PTP4A1: variants seen among roughly 807,000 people sequenced by gnomAD.
The protein encoded by PTP4A1 is protein tyrosine phosphatase 4A1, also known as protein tyrosine phosphatase type IVA 1.
In PTP4A1, 9 loss-of-function variants were observed where a neutral mutation model predicts 20.5. The observed-to-expected ratio is 0.44, with a 90% CI of 0.26 to 0.77. The LOEUF (loss-of-function observed/expected upper bound fraction) is 0.77. Among genes scored for constraint, PTP4A1 ranks in the 30% least tolerant of loss-of-function variants. PTP4A1 has a pLI of 0.19. For missense variants in PTP4A1, 137 were observed against 218.8 expected (o/e 0.63, Z 2.36); for synonymous variants, 78 against 67.4 (o/e 1.16, Z -0.77).
At chr6:63,517,015 G>A (rs555607643), upstream of PTP4A1, among the ~76,000 whole-genome samples, 1 of 152,136 alleles carries the variant, frequency 6.6e-6, no homozygotes, top group South Asian at 2.1e-4. Flanking sequence ...ATTGTTTTGG[G>A]ATATTTATTT....
At chr6:63,559,002 C>T (rs1204181280) in intron 3 of PTP4A1, among the ~76,000 whole-genome samples, 1 of 152,150 alleles carries the variant, frequency 6.6e-6, no homozygotes, top group Admixed American at 6.5e-5. Context: ...CAGGACATAT[C>T]AAAGGCCATA....
rs867666563 is a variant in PTP4A1, at chr6:63,543,378, T to C, written c.-639-6922T>C. On this transcript the variant is annotated intron_variant, in intron 2 of 3. Transcript: ENST00000639568. ...TTTCCTTCTTGGCACCTTTCAAAAGTTGCAATAGTCATATTGAAATATTTG... is the reference window on the plus strand; with the variant it reads ...TTTCCTTCTTGGCACCTTTCAAAAGCTGCAATAGTCATATTGAAATATTTG... 8.5e-5 allele frequency among the ~76,000 whole-genome samples: 13 copies of C among 152,238 alleles called. 1 individual carries two copies. Among genetic ancestry groups the C allele is most frequent in the Admixed American group, 2.0e-4 (3 of 15,282 alleles).
At chr6:63,539,763 G>A (rs2149482878) in intron 2 of PTP4A1, among the ~76,000 whole-genome samples, 1 of 147,048 alleles carries the variant, frequency 6.8e-6, no homozygotes. Context: ...GTGAGACTCT[G>A]TCTCAAAAAA....
chr6:63,549,129 C>T (rs1776326879), intron 2 of PTP4A1: 2 of 686,834 alleles, frequency 2.9e-6, no homozygotes, highest in Admixed American at 4.4e-5. Flanking sequence ...AGTGGGGATG[C>T]CCCCTTTGCC....
exon 2 of PTP4A1, chr6:63,527,880 C>G (rs1212099175): frequency 1.3e-5 from 2 of 152,190 alleles, no homozygotes; most frequent in East Asian, 3.8e-4. Flanking sequence ...GCAGCAGTGC[C>G]AGTTCATGTG....
chr6:63,550,077 C>T (rs1776370162), intron 2 of PTP4A1, among the ~76,000 whole-genome samples: 2 of 152,054 alleles, frequency 1.3e-5, no homozygotes, highest in South Asian at 4.1e-4. Flanking sequence ...ATAATATGTG[C>T]AATTATTATG....
chr6:63,553,512 G>T (rs1329589500), intron 3 of PTP4A1, among the ~76,000 whole-genome samples: 1 of 152,138 alleles, frequency 6.6e-6, no homozygotes, highest in East Asian at 1.9e-4. Context: ...AAGCCAGTTT[G>T]GTATCCTGTC....
rs1778212436 is a variant in PTP4A1 at position 63,581,346 on chromosome 6, G to A, written c.*1172G>A. On this transcript the variant is annotated 3_prime_UTR_variant, in exon 6 of 6. Transcript: ENST00000626021. ...CCATATATTTATACTGTCTGGGGAT[G>A]TGTGGTTATAGTTCTGTGGGAGAAA... 1 of 152,550 alleles carries A rather than the reference G, an allele frequency of 6.6e-6. No homozygotes were observed. The highest frequency in any genetic ancestry group is 2.1e-4 in the South Asian group (1 of 4,832). 9.4% of individuals were successfully genotyped at this position (152,550 alleles called of 1,614,324 possible). A position where few individuals can be genotyped will look rare whatever the true frequency, so the allele number is the denominator to read the frequency against.
chr6:63,559,167 A>T (rs1308538392), intron 3 of PTP4A1, among the ~76,000 whole-genome samples: 2 of 152,336 alleles, frequency 1.3e-5, no homozygotes, highest in African/African-American at 4.8e-5. Context: ...AAATCAGTTC[A>T]TATTTACAAA....
At chr6:63,522,248 CTGT>C (rs1023271112) in intron 1 of PTP4A1, among the ~76,000 whole-genome samples, 4 of 152,158 alleles carry the variant, frequency 2.6e-5, no homozygotes, top group Non-Finnish European at 5.9e-5. Context: ...CAAATTTTAA[CTGT>C]TGTTTCTGTT....
intron 2 of PTP4A1, among the ~76,000 whole-genome samples, chr6:63,542,364 T>A (rs1776018897): frequency 6.6e-6 from 1 of 151,372 alleles, no homozygotes; most frequent in South Asian, 2.1e-4. Context: ...ATCTCACAAA[T>A]CACCACTAAG....
the PTP4A1 span, among the ~76,000 whole-genome samples, chr6:63,516,646 C>G: frequency 6.6e-6 from 1 of 152,164 alleles, no homozygotes; most frequent in African/African-American, 2.4e-5. Flanking sequence ...TTCAAAGCAA[C>G]AGAATCTTAG....
At chr6:63,535,106 T>C (rs574436389) in intron 2 of PTP4A1, among the ~76,000 whole-genome samples, 4 of 152,088 alleles carry the variant, frequency 2.6e-5, no homozygotes, top group Admixed American at 2.0e-4. Context: ...ATATAAACAG[T>C]ATTTTAGGTA....
chr6:63,517,701 A>G (rs1774781651), upstream of PTP4A1, among the ~76,000 whole-genome samples: 1 of 152,194 alleles, frequency 6.6e-6, no homozygotes, highest in Admixed American at 6.6e-5. Flanking sequence ...GTCAATAATG[A>G]TCTATAATTC....
At chr6:63,568,671 CAAT>C (rs1271627624), upstream of PTP4A1, among the ~76,000 whole-genome samples, 1 of 146,528 alleles carries the variant, frequency 6.8e-6, no homozygotes, top group Non-Finnish European at 1.5e-5. Flanking sequence ...AAAAAAAAAA[CAAT>C]ATTTGCAAAG....
At chr6:63,544,437 C>T (rs1234210225) in intron 2 of PTP4A1, among the ~76,000 whole-genome samples, 1 of 152,094 alleles carries the variant, frequency 6.6e-6, no homozygotes, top group African/African-American at 2.4e-5. Flanking sequence ...AATATATATT[C>T]TCTTACATAA....
At chr6:63,521,632 GTC>G (rs1774928950), upstream of PTP4A1, 3 of 152,150 alleles carry the variant, frequency 2.0e-5, no homozygotes, top group South Asian at 2.1e-4. Flanking sequence ...TTTAGAAACT[GTC>G]CCCTTGAACT....
intron 2 of PTP4A1, among the ~76,000 whole-genome samples, chr6:63,540,984 C>CA (rs1158616642): frequency 7.0e-6 from 1 of 143,154 alleles, no homozygotes; most frequent in Non-Finnish European, 1.5e-5. Flanking sequence ...GCCTGGGTGA[C>CA]AGAGCAAGAC....
Position 63,581,519 on chromosome 6 carries a change from T to C in PTP4A1, c.*1345T>C, listed in dbSNP as rs1778223559. 1 of 152,466 alleles carries C rather than the reference T, an allele frequency of 6.6e-6. No homozygotes were observed. Among genetic ancestry groups the C allele is most frequent in the Non-Finnish European group, 1.5e-5 (1 of 68,006 alleles). The allele number at this position is 152,466 out of a possible 1,614,324, so 9.4% of individuals were successfully genotyped here. A position where few individuals can be genotyped will look rare whatever the true frequency, so the allele number is the denominator to read the frequency against. On this transcript the variant is annotated 3_prime_UTR_variant, in exon 6 of 6. Coordinates refer to ENST00000626021, the MANE Select transcript of PTP4A1 (RefSeq NM_003463.5). ...AAGACAAAATGAATTGCACTTCACT[T>C]AATGTGTGTCCTCATCTTTTTACAA...
Sources: gnomAD v4.1 joint callset for allele counts (sites outside exome capture counted in the v4.1 genomes callset) on GRCh38, gnomAD v4.1.1 for gene constraint, MANE v1.5 for transcripts, NCBI Gene and HGNC (gene_info 2026-07-23, HGNC 2026-07-21) for gene names.